The following VIRMA variants were observed in gnomAD, a reference collection of about 807,000 sequenced individuals.
VIRMA encodes protein virilizer homolog.
VIRMA carries 65 observed loss-of-function variants against 182.4 expected under a neutral mutation model. The observed-to-expected ratio is 0.36, with a 90% CI of 0.29 to 0.44. The LOEUF (loss-of-function observed/expected upper bound fraction) is 0.44. Among genes scored for constraint, VIRMA ranks in the 20% least tolerant of loss-of-function variants. VIRMA has a pLI of 1.00. For synonymous variants in VIRMA, 709 were observed against 743.1 expected, an observed-to-expected ratio of 0.95 and a Z score of 0.75; for missense variants, 1,752 against 2,158.1, an observed-to-expected ratio of 0.81 and a Z score of 3.73.
intron 12 of VIRMA, 130 bp downstream of exon 12, chr8:94,511,862 TTTAA>T (rs1373403330): frequency 1.2e-5 from 8 of 651,228 alleles, no homozygotes; most frequent in East Asian, 3.7e-5. Context: ...ATGACAAATA[TTTAA>T]TTACTTTAAT....
intron 6 of VIRMA, among the ~76,000 whole-genome samples, chr8:94,530,312 C>T (rs1467221085): frequency 2.6e-5 from 4 of 151,812 alleles, no homozygotes; most frequent in African/African-American, 7.3e-5. Flanking sequence ...TTAAGACCAG[C>T]CTGAGCAACA....
chr8:94,546,852 C>T (rs909460209), intron 1 of VIRMA: 5 of 452,718 alleles, frequency 1.1e-5, no homozygotes, highest in Non-Finnish European at 1.8e-5. Flanking sequence ...TACCACTCCC[C>T]TGATCTTACT....
intron 10 of VIRMA, among the ~76,000 whole-genome samples, chr8:94,516,686 C>T (rs1230215236): frequency 1.7e-4 from 26 of 151,826 alleles, no homozygotes; most frequent in Non-Finnish European, 4.4e-5. Context: ...ACCAGAATAC[C>T]CAACACCCAG....
chr8:94,515,337 C>T (rs370241608), intron 10 of VIRMA, among the ~76,000 whole-genome samples: 5 of 152,012 alleles, frequency 3.3e-5, no homozygotes, highest in Non-Finnish European at 5.9e-5. Flanking sequence ...CCTCGTGATC[C>T]GCCCGCCTCA....
intron 2 of VIRMA, among the ~76,000 whole-genome samples, chr8:94,541,891 G>A (rs545949274): frequency 6.6e-6 from 1 of 152,244 alleles, no homozygotes; most frequent in Non-Finnish European, 1.5e-5. Flanking sequence ...TTACTGTTCT[G>A]TAGCATACTA....
chr8:94,509,589 T>C (rs1563462646), intron 15 of VIRMA, 99 bp downstream of exon 15: 1 of 1,249,052 alleles, frequency 8.0e-7, no homozygotes, highest in African/African-American at 1.5e-5. Context: ...TGACAGCTGT[T>C]CATTCACAGC....
At chr8:94,532,457 C>T (rs1815203531) in intron 5 of VIRMA, among the ~76,000 whole-genome samples, 1 of 152,156 alleles carries the variant, frequency 6.6e-6, no homozygotes, top group South Asian at 2.1e-4. Flanking sequence ...GTACACATGA[C>T]ATAAAAACGC....
Position 94,510,633 on chromosome 8 carries a change from A to T in VIRMA, c.3410T>A (p.Ile1137Lys). The change falls in exon 14 of 24, where the codon ATA (isoleucine) becomes AAA (lysine). Residue 1137 changes from isoleucine to lysine, a missense_variant. Transcript: ENST00000297591. Reference sequence around the variant, plus strand: ...TTTTCGGGTGTTGAGTGCCACTGATATATCATGTGGCTCAATAACCTGTTA... The same window carrying T: ...TTTTCGGGTGTTGAGTGCCACTGATTTATCATGTGGCTCAATAACCTGTTA... ...QTTQVIEPHD[I>K]SVALNTRKLW... is the part of the protein sequence containing the mutation. 2 of 1,613,578 alleles carry T rather than the reference A, an allele frequency of 1.2e-6. No individual in the cohort carries two copies. Among genetic ancestry groups the T allele is most frequent in the Non-Finnish European group, 1.7e-6 (2 of 1,179,502 alleles).
At chr8:94,530,005 T>C (rs1586098999) in intron 6 of VIRMA, among the ~76,000 whole-genome samples, 1 of 152,022 alleles carries the variant, frequency 6.6e-6, no homozygotes, top group Non-Finnish European at 1.5e-5. Flanking sequence ...CCCAGGCTGG[T>C]CTCACACTCC....
intron 1 of VIRMA, among the ~76,000 whole-genome samples, chr8:94,547,771 C>A: frequency 6.7e-6 from 1 of 149,708 alleles, no homozygotes; most frequent in African/African-American, 2.5e-5. Context: ...TAAATAATAG[C>A]ATTAATATCG....
chr8:94,496,199 G>A, intron 18 of VIRMA, 129 bp downstream of exon 18: 3 of 783,100 alleles, frequency 3.8e-6, no homozygotes, highest in Non-Finnish European at 5.8e-6. Context: ...AATTCAAAGA[G>A]TTATTTGAAA....
At position 94,496,422 on chromosome 8, in the gene VIRMA, G is replaced by A. The variant is rs778945233; in HGVS notation, c.4289C>T (p.Thr1430Met). 4 of 1,612,856 alleles carry A rather than the reference G, an allele frequency of 2.5e-6. No homozygotes were observed. Among genetic ancestry groups the A allele is most frequent in the South Asian group, 1.1e-5 (1 of 90,962 alleles). ...TAACTCTGCAGCATTAATACTCATC[G>A]TCCGTGATGTATGAGCTCCCTCTAC... ...MEVEGAHTSRTMSINAAELKQ... is the reference protein window; with the variant it reads ...MEVEGAHTSRMMSINAAELKQ... Residue 1430 changes from threonine (T) to methionine (M), a missense_variant, in exon 18 of 24, where the codon ACG (threonine) becomes ATG (methionine). Around this residue, in one of 11 missense-constraint regions of VIRMA, gnomAD observed 777 missense variants for 920.6 expected, o/e 0.84. Coordinates refer to ENST00000297591, the MANE Select transcript of VIRMA (RefSeq NM_015496.5).
chr8:94,516,015 GA>G lies in VIRMA; in HGVS notation c.2669-1065del, dbSNP rs1240029929. Among the ~76,000 whole-genome samples, 3 of 151,946 alleles carry G rather than the reference GA, an allele frequency of 2.0e-5. No homozygotes were observed. The East Asian group carries it at 5.8e-4, about 30-fold the overall frequency. On this transcript the variant is annotated intron_variant, in intron 10 of 23. Coordinates refer to ENST00000297591, the MANE Select transcript of VIRMA (RefSeq NM_015496.5). ...CCCAGCTACTAGGGAGGCTGAGGCAGAAGAATCACTTGAACCCGGGAGGAGG... is the reference window on the plus strand; with the variant it reads ...CCCAGCTACTAGGGAGGCTGAGGCAGAGAATCACTTGAACCCGGGAGGAGG...
intron 1 of VIRMA, among the ~76,000 whole-genome samples, chr8:94,551,267 T>C (rs1454700476): frequency 6.6e-6 from 1 of 152,230 alleles, no homozygotes; most frequent in African/African-American, 2.4e-5. Flanking sequence ...TCTCTGCCTC[T>C]TCTGAAATCT....
intron 2 of VIRMA, among the ~76,000 whole-genome samples, chr8:94,541,624 C>T (rs3099417): frequency 0.11 from 17,126 of 151,790 alleles, 1,359 homozygotes; most frequent in East Asian, 0.23. Flanking sequence ...TCACTGCAAC[C>T]TCCACCCCCC....
intron 1 of VIRMA, among the ~76,000 whole-genome samples, chr8:94,551,409 C>T (rs1236965982): frequency 6.6e-6 from 1 of 152,206 alleles, no homozygotes; most frequent in Non-Finnish European, 1.5e-5. Flanking sequence ...CACATTCTAA[C>T]TCAAATCACA....
intron 20 of VIRMA, among the ~76,000 whole-genome samples, chr8:94,493,212 G>A (rs999192439): frequency 4.6e-5 from 7 of 152,144 alleles, no homozygotes; most frequent in African/African-American, 1.7e-4. Context: ...AAAAGATTCT[G>A]TGCCACAGAT....
rs1175209832 is a variant in VIRMA at position 94,512,058 on chromosome 8, A to G, written c.2783T>C (p.Val928Ala). Residue 928 changes from valine to alanine, a missense_variant, in exon 12 of 24, where the codon GTT becomes GCT. This residue lies in a region of VIRMA where 777 missense variants were observed against 920.6 expected (regional missense o/e 0.84). Coordinates refer to ENST00000297591, the MANE Select transcript of VIRMA (RefSeq NM_015496.5). ...NIDNLMTPEG[V>A]GLTTALRVLC... The stretch of plus-strand genomic sequence containing the variant: ...AACACGTAAGGCAGTGGTAAGGCCA[A>G]CTCCTTCTGGGGTCATCAAGTTATC... The G allele has an allele frequency of 3.9e-6, 6 of 1,522,314 alleles. No homozygotes were observed. The highest frequency in any genetic ancestry group is 5.3e-6 in the Non-Finnish European group (6 of 1,134,840). The allele number at this position is 1,522,314 out of a possible 1,614,324, so 94.3% of individuals were successfully genotyped here. A position where few individuals can be genotyped will look rare whatever the true frequency, so the allele number is the denominator to read the frequency against.
chr8:94,511,494 C>CA lies in VIRMA; in HGVS notation c.3080_3081insT (p.Glu1027AspfsTer3). On this transcript the variant is annotated frameshift_variant, in exon 13 of 24. Coordinates refer to ENST00000297591, the MANE Select transcript of VIRMA (RefSeq NM_015496.5). LOFTEE classifies it high-confidence loss of function. ...CTGAAGGAACACGCATGTCCTTAAA[C>CA]TCAAAGGATCCACCTCTCAGGAGTT... 6.2e-7 allele frequency: 1 copy of CA among 1,614,118 alleles called. No individual in the cohort carries two copies. The highest frequency in any genetic ancestry group is 8.5e-7 in the Non-Finnish European group (1 of 1,180,012).
Sources: gnomAD v4.1 joint callset for allele counts (sites outside exome capture counted in the v4.1 genomes callset) on GRCh38, gnomAD v4.1.1 for gene constraint, gnomAD v4.1.1 regional missense constraint, MANE v1.5 for transcripts, NCBI Gene and HGNC (gene_info 2026-07-23, HGNC 2026-07-21) for gene names.